The following DENND4A variants were observed in gnomAD, a reference collection of about 807,000 sequenced individuals.
The protein encoded by DENND4A is DENN domain containing 4A, also known as C-myc promoter-binding protein.
Under a neutral mutation model 199.3 loss-of-function variants are expected in DENND4A, and 70 were observed. That is an observed-to-expected ratio of 0.35 (90% CI 0.29 to 0.43). The LOEUF (loss-of-function observed/expected upper bound fraction) is 0.43, where lower values mean the gene tolerates loss of function less well. DENND4A is among the 20% of genes least tolerant of loss of function. The probability of loss-of-function intolerance (pLI) is 1.00; values close to 1 mark genes in which losing one functional copy is unlikely to be tolerated. For missense variants in DENND4A, 1,723 were observed against 2,255.8 expected, an observed-to-expected ratio of 0.76 and a Z score of 4.78; for synonymous variants, 686 against 766.9, an observed-to-expected ratio of 0.89 and a Z score of 1.74.
chr15:65,720,947 T>TTA (rs72498783), intron 12 of DENND4A, among the ~76,000 whole-genome samples: 2,054 of 76,046 alleles, frequency 0.027, 115 homozygotes, highest in African/African-American at 0.052. Flanking sequence ...GTTTCATTGA[T>TTA]TATATATATA....
intron 20 of DENND4A, 24 bp from the exon 21 acceptor site, chr15:65,697,407 A>G (rs1316600498): frequency 1.4e-6 from 2 of 1,444,766 alleles, no homozygotes. Flanking sequence ...AAATAAACAA[A>G]ACTCTATTAG....
At chr15:65,771,936 T>C in intron 1 of DENND4A, 1 of 1,605,200 alleles carries the variant, frequency 6.2e-7, no homozygotes, top group Non-Finnish European at 8.5e-7. Context: ...TTCTATAAGC[T>C]TTTTTCAAAT....
At chr15:65,699,096 T>G (rs1279992625) in intron 20 of DENND4A, among the ~76,000 whole-genome samples, 1 of 152,136 alleles carries the variant, frequency 6.6e-6, no homozygotes, top group Non-Finnish European at 1.5e-5. Flanking sequence ...TTGTAAGAGA[T>G]AATGCCAAAG....
intron 23 of DENND4A, among the ~76,000 whole-genome samples, chr15:65,677,923 ATCTCTT>A (rs2076437714): frequency 9.3e-6 from 1 of 107,350 alleles, no homozygotes; most frequent in East Asian, 3.1e-4. Context: ...GCAGCCTCTT[ATCTCTT>A]TTTTTTTTTT....
In DENND4A at chr15:65,660,603, G is replaced by A; in HGVS notation, c.*1248C>T. 3.3e-6 allele frequency: 1 copy of A among 301,198 alleles called. No individual in the cohort carries two copies. 18.7% of individuals were successfully genotyped at this position (301,198 alleles called of 1,614,324 possible). On this transcript the variant is annotated 3_prime_UTR_variant, in exon 33 of 33. Coordinates refer to ENST00000443035, the MANE Select transcript of DENND4A (RefSeq NM_001320835.1). ...AAGAAAGTTACATTAGAAATAATAT[G>A]ACTAAAAATATATTTTTAAAGCTAT...
chr15:65,717,636 T>G (rs1488627510), intron 13 of DENND4A, 142 bp downstream of exon 13: 15 of 767,892 alleles, frequency 2.0e-5, no homozygotes, highest in Non-Finnish European at 2.2e-5. Context: ...TGGAAATGGG[T>G]AACCAACAAA....
At chr15:65,699,117 G>C (rs2077260031) in intron 20 of DENND4A, among the ~76,000 whole-genome samples, 1 of 152,116 alleles carries the variant, frequency 6.6e-6, no homozygotes, top group African/African-American at 2.4e-5. Flanking sequence ...GATAACTATT[G>C]TAACTGATGA....
At chr15:65,718,423 T>C (rs978566697) in intron 12 of DENND4A, among the ~76,000 whole-genome samples, 4 of 152,142 alleles carry the variant, frequency 2.6e-5, no homozygotes, top group African/African-American at 7.2e-5. Context: ...GAGAAGGCAA[T>C]AGAATATAAG....
At chr15:65,738,999 A>G in intron 5 of DENND4A, 124 bp from the exon 6 acceptor site, 1 of 665,270 alleles carries the variant, frequency 1.5e-6, no homozygotes, top group Non-Finnish European at 2.4e-6. Flanking sequence ...ATATATGTTC[A>G]TCAAATAACA....
At chr15:65,734,640 T>G (rs1443055305) in intron 7 of DENND4A, among the ~76,000 whole-genome samples, 1 of 152,098 alleles carries the variant, frequency 6.6e-6, no homozygotes, top group Non-Finnish European at 1.5e-5. Context: ...ACTCATAATC[T>G]AAACAAACGT....
intron 7 of DENND4A, among the ~76,000 whole-genome samples, chr15:65,733,313 A>G (rs2076015571): frequency 6.6e-6 from 1 of 152,134 alleles, no homozygotes; most frequent in African/African-American, 2.4e-5. Flanking sequence ...CCAGAATAAG[A>G]TGGATAAAAA....
intron 20 of DENND4A, 25 bp downstream of exon 20, chr15:65,700,514 TAATAA>T: frequency 7.6e-7 from 1 of 1,316,336 alleles, no homozygotes; most frequent in Non-Finnish European, 9.8e-7. Flanking sequence ...AAATGTACTA[TAATAA>T]ATGTATACAT....
rs2076158954 is a variant in DENND4A at position 65,737,925 on chromosome 15, C to G, written c.822G>C (p.Gln274His). ...TCTCCTCAGAGTATGGTTCATAAAA[C>G]TGAATAGCAGCACCATAAACCTGCA... is the stretch of plus-strand genomic sequence containing the variant. Reference protein sequence around the residue: ...SAEKVYGAAIQFYEPYSEENL... With the variant: ...SAEKVYGAAIHFYEPYSEENL... Residue 274 changes from glutamine to histidine, a missense_variant, in exon 7 of 33, where the codon CAG becomes CAC. Physicochemically the swap from Gln to His is conservative, Grantham distance 24. Transcript: ENST00000443035. The G allele has an allele frequency of 1.3e-6, 2 of 1,591,976 alleles. No homozygotes were observed. Among genetic ancestry groups the G allele is most frequent in the African/African-American group, 2.7e-5 (2 of 74,574 alleles).
chr15:65,755,746 T>C (rs777228803), intron 3 of DENND4A, among the ~76,000 whole-genome samples: 5 of 152,138 alleles, frequency 3.3e-5, no homozygotes, highest in African/African-American at 7.2e-5. Flanking sequence ...AGCTGGGTGA[T>C]AGAGATTAAC....
At chr15:65,716,547 C>T (rs1208440701) in intron 13 of DENND4A, among the ~76,000 whole-genome samples, 1 of 151,994 alleles carries the variant, frequency 6.6e-6, no homozygotes, top group East Asian at 1.9e-4. Flanking sequence ...TTTGCAATTT[C>T]ATCCATGTCC....
chr15:65,779,822 G>C (rs1347645208), intron 1 of DENND4A, among the ~76,000 whole-genome samples: 1 of 152,122 alleles, frequency 6.6e-6, no homozygotes, highest in Non-Finnish European at 1.5e-5. Flanking sequence ...GCTAATTTTT[G>C]TATTTTTAGT....
At chr15:65,725,941 G>A (rs912472535) in intron 11 of DENND4A, 1 of 152,130 alleles carries the variant, frequency 6.6e-6, no homozygotes, top group Non-Finnish European at 1.5e-5. Flanking sequence ...AATTCTAATT[G>A]AAGGAAAGTA....
intron 20 of DENND4A, among the ~76,000 whole-genome samples, chr15:65,699,941 G>A (rs1207732934): frequency 1.3e-5 from 2 of 151,704 alleles, no homozygotes; most frequent in Non-Finnish European, 2.9e-5. Flanking sequence ...GCTTCCCAAG[G>A]TGCTGGGATT....
At chr15:65,737,112 G>T (rs1253004843) in intron 7 of DENND4A, among the ~76,000 whole-genome samples, 1 of 152,040 alleles carries the variant, frequency 6.6e-6, no homozygotes, top group Admixed American at 6.6e-5. Context: ...ACCCAGGCTG[G>T]AGTGTAGTGG....
Sources: allele counts gnomAD v4.1 joint callset (sites outside exome capture counted in the v4.1 genomes callset), GRCh38; gene constraint gnomAD v4.1.1; transcripts MANE v1.5; gene names NCBI Gene and HGNC (gene_info 2026-07-23, HGNC 2026-07-21).